SLC9A9: variants seen among roughly 807,000 people sequenced by gnomAD.
SLC9A9 encodes solute carrier family 9 member A9.
A neutral mutation model predicts 77.8 loss-of-function variants in SLC9A9; 62 were observed. That is an observed-to-expected ratio of 0.80 (90% CI 0.65 to 0.98). The LOEUF is 0.98. Among genes scored for constraint, SLC9A9 ranks in the 50% least tolerant of loss-of-function variants. The pLI is 0.00. For synonymous variants in SLC9A9, 320 were observed against 283.5 expected, an observed-to-expected ratio of 1.13 and a Z score of -1.29; for missense variants, 775 against 774.9, an observed-to-expected ratio of 1.00 and a Z score of 0.00.
intron 14 of SLC9A9, among the ~76,000 whole-genome samples, chr3:143,350,322 T>G (rs1267585278): frequency 2.6e-5 from 4 of 152,186 alleles, no homozygotes; most frequent in Admixed American, 1.3e-4. Context: ...CCCCCGTGAC[T>G]TCTCCCTAAT....
At position 143,560,060 on chromosome 3, in the gene SLC9A9, C is replaced by T. The variant is rs563924031; in HGVS notation, c.1001-7610G>A. 3.9e-5 allele frequency among the ~76,000 whole-genome samples: 6 copies of T among 152,352 alleles called. No individual in the cohort carries two copies. The East Asian group carries it at 1.2e-3, about 29-fold the overall frequency. ...CCATATATCAGAAGCCACTTGACCA[C>T]ATCTGGAAGTGCAACTGTGGCCCAA... On this transcript the variant is annotated intron_variant, in intron 8 of 15. Coordinates refer to ENST00000316549, the MANE Select transcript of SLC9A9 (RefSeq NM_173653.4).
At chr3:143,790,941 A>G (rs1411968151) in intron 4 of SLC9A9, among the ~76,000 whole-genome samples, 5 of 152,226 alleles carry the variant, frequency 3.3e-5, no homozygotes, top group African/African-American at 9.6e-5. Context: ...GAAGCATTTC[A>G]TAGGTACTAA....
intron 6 of SLC9A9, chr3:143,627,530 G>T (rs2038352323): frequency 3.4e-6 from 1 of 295,450 alleles, no homozygotes; most frequent in Non-Finnish European, 6.6e-6. Flanking sequence ...TGCAGAGGCG[G>T]TGACTCGCAG....
At chr3:143,534,147 T>C (rs2108624157) in intron 9 of SLC9A9, among the ~76,000 whole-genome samples, 1 of 152,322 alleles carries the variant, frequency 6.6e-6, no homozygotes, top group East Asian at 1.9e-4. Flanking sequence ...TTTATAGTAA[T>C]TATATTAATT....
intron 14 of SLC9A9, among the ~76,000 whole-genome samples, chr3:143,303,807 G>A (rs16853386): frequency 6.6e-6 from 1 of 152,022 alleles, no homozygotes; most frequent in Non-Finnish European, 1.5e-5. Flanking sequence ...AAACTTGCCA[G>A]GCCCATTTGA....
At chr3:143,277,512 A>T (rs1182023010) in intron 14 of SLC9A9, among the ~76,000 whole-genome samples, 1 of 152,140 alleles carries the variant, frequency 6.6e-6, no homozygotes, top group Non-Finnish European at 1.5e-5. Context: ...AACAATATAA[A>T]TTTTACCACT....
intron 14 of SLC9A9, among the ~76,000 whole-genome samples, chr3:143,348,032 T>TC (rs1559877590): frequency 2.6e-5 from 4 of 151,600 alleles, no homozygotes; most frequent in Non-Finnish European, 1.5e-5. Flanking sequence ...TTTTTTTTTT[T>TC]TAGAGGGAAT....
intron 4 of SLC9A9, among the ~76,000 whole-genome samples, chr3:143,749,262 T>C (rs765501621): frequency 1.9e-4 from 29 of 152,356 alleles, no homozygotes; most frequent in Admixed American, 5.9e-4. Flanking sequence ...TCATTCTTTA[T>C]CATACATGAT....
At chr3:143,358,221 T>C (rs1431313655) in intron 14 of SLC9A9, among the ~76,000 whole-genome samples, 2 of 152,170 alleles carry the variant, frequency 1.3e-5, no homozygotes, top group African/African-American at 4.8e-5. Context: ...GAATGGGAAA[T>C]GCAAGCATTT....
At chr3:143,436,266 G>T (rs115606534) in intron 12 of SLC9A9, among the ~76,000 whole-genome samples, 4 of 152,192 alleles carry the variant, frequency 2.6e-5, no homozygotes, top group African/African-American at 9.7e-5. Flanking sequence ...CAGGGTCACC[G>T]CATGACCTCC....
At chr3:143,647,584 A>C (rs1313955960) in intron 6 of SLC9A9, among the ~76,000 whole-genome samples, 2 of 152,222 alleles carry the variant, frequency 1.3e-5, no homozygotes, top group Non-Finnish European at 2.9e-5. Flanking sequence ...CAGCAAAGGT[A>C]TCTGATTTTA....
chr3:143,502,136 A>C (rs1007611693), intron 9 of SLC9A9, among the ~76,000 whole-genome samples: 1 of 151,150 alleles, frequency 6.6e-6, no homozygotes, highest in African/African-American at 2.5e-5. Context: ...GTAAAAAATA[A>C]CTTGACTCAA....
At chr3:143,618,466 A>T (rs185565451) in intron 6 of SLC9A9, among the ~76,000 whole-genome samples, 4 of 152,306 alleles carry the variant, frequency 2.6e-5, no homozygotes, top group African/African-American at 4.8e-5. Context: ...TTCATTCCAG[A>T]TTGGAAAGTC....
At chr3:143,473,617 C>T (rs577667979) in intron 11 of SLC9A9, among the ~76,000 whole-genome samples, 28 of 152,212 alleles carry the variant, frequency 1.8e-4, no homozygotes, top group Non-Finnish European at 3.7e-4. Context: ...CCACTTTGTT[C>T]TCTCTTTCTT....
intron 9 of SLC9A9, among the ~76,000 whole-genome samples, chr3:143,533,210 G>C (rs78670442): frequency 2.0e-5 from 3 of 152,142 alleles, no homozygotes; most frequent in Non-Finnish European, 4.4e-5. Flanking sequence ...CCCTGCTCTC[G>C]TGGGGCTGAC....
At chr3:143,635,697 T>C (rs1321593133) in intron 6 of SLC9A9, among the ~76,000 whole-genome samples, 1 of 152,200 alleles carries the variant, frequency 6.6e-6, no homozygotes, top group East Asian at 1.9e-4. Flanking sequence ...TTCCCCATTT[T>C]CCCCTGACCC....
chr3:143,623,009 G>C (rs1349846902), intron 6 of SLC9A9, among the ~76,000 whole-genome samples: 1 of 152,118 alleles, frequency 6.6e-6, no homozygotes, highest in Admixed American at 6.5e-5. Context: ...GACCAAAAGA[G>C]ACAAAGAAGG....
intron 12 of SLC9A9, among the ~76,000 whole-genome samples, chr3:143,387,776 A>C (rs1304645405): frequency 8.5e-6 from 1 of 116,984 alleles, no homozygotes; most frequent in East Asian, 2.3e-4. Context: ...CTTATACCCA[A>C]CCATAGTTAA....
intron 4 of SLC9A9, among the ~76,000 whole-genome samples, chr3:143,700,671 G>C (rs1933770851): frequency 1.3e-5 from 2 of 152,222 alleles, no homozygotes; most frequent in Non-Finnish European, 2.9e-5. Context: ...AGGTAGACTT[G>C]TAAGGATTTT....
Sources: allele counts gnomAD v4.1 joint callset (sites outside exome capture counted in the v4.1 genomes callset), GRCh38; gene constraint gnomAD v4.1.1; transcripts MANE v1.5; gene names NCBI Gene and HGNC (gene_info 2026-07-23, HGNC 2026-07-21).